Variants in ABCG4 observed in about 807,000 individuals in gnomAD.
The protein encoded by ABCG4 is ATP binding cassette subfamily G member 4.
ABCG4 carries 35 observed loss-of-function variants against 64.6 expected under a neutral mutation model. That is an observed-to-expected ratio of 0.54 (90% confidence interval 0.41 to 0.72). ABCG4 has a LOEUF of 0.72. Ranked by LOEUF, ABCG4 falls within the 30% of genes least tolerant of loss-of-function variation. The probability of loss-of-function intolerance (pLI) is 0.00; values close to 1 mark genes in which losing one functional copy is unlikely to be tolerated. For synonymous variants in ABCG4, 326 were observed against 348.2 expected, an observed-to-expected ratio of 0.94 and a Z score of 0.71; for missense variants, 610 against 846.3, an observed-to-expected ratio of 0.72 and a Z score of 3.46.
In ABCG4 at chr11:119,154,068, G is replaced by A. The variant is rs145297995; in HGVS notation, c.281G>A (p.Arg94His). 54 of 1,614,072 alleles carry A rather than the reference G, an allele frequency of 3.3e-5. No homozygotes were observed. Among genetic ancestry groups the A allele is most frequent in the Middle Eastern group, 1.6e-4 (1 of 6,080 alleles). Residue 94 changes from arginine (R) to histidine (H), a missense_variant, in exon 3 of 15, where the codon CGC (arginine) becomes CAC (histidine). Coordinates refer to ENST00000619701, the MANE Select transcript of ABCG4 (RefSeq NM_022169.5). The surrounding 1 kb of genome is among the most constrained non-coding windows in gnomAD (Gnocchi z 7.0). ...LLKCLSGKFCRRELIGIMGPS... is the reference protein window; with the variant it reads ...LLKCLSGKFCHRELIGIMGPS... ...AAGTGCCTCTCAGGTAAATTCTGCCGCCGGGAGCTGATTGGCATCATGGGC... is the reference window on the plus strand; with the variant it reads ...AAGTGCCTCTCAGGTAAATTCTGCCACCGGGAGCTGATTGGCATCATGGGC...
rs1948156250 is a variant in ABCG4 at position 119,149,236 on chromosome 11, C to T, written c.-140C>T. On this transcript the variant is annotated 5_prime_UTR_variant, in exon 1 of 15. Coordinates refer to ENST00000619701, the MANE Select transcript of ABCG4 (RefSeq NM_022169.5). This position sits in a 1 kb window ranked among gnomAD's most constrained non-coding sequence, Gnocchi z 8.3. ...GCCCCGGCCCCGCCCCGGCCCGGGC[C>T]GCCGGGACCGGGAGCCGGGACGCGG... The T allele has an allele frequency of 6.6e-6, 1 of 150,804 alleles. No homozygotes were observed. The highest frequency in any genetic ancestry group is 6.6e-5 in the Admixed American group (1 of 15,216). The allele number at this position is 150,804 out of a possible 1,614,324, so 9.3% of individuals were successfully genotyped here. A position where few individuals can be genotyped will look rare whatever the true frequency, so the allele number is the denominator to read the frequency against.
chr11:119,149,722 A>G lies in ABCG4; in HGVS notation c.-12-232A>G. ...ATTAGAGAAGCCGCCGGGAGGAAGG[A>G]GCGATTGAGGGCTTCAAGGGGACGG... On this transcript the variant is annotated intron_variant, in intron 1 of 14. Transcript: ENST00000619701. This position sits in a 1 kb window ranked among gnomAD's most constrained non-coding sequence, Gnocchi z 8.3. 1 of 600,188 alleles carries G rather than the reference A, an allele frequency of 1.7e-6. No individual in the cohort carries two copies. Among genetic ancestry groups the G allele is most frequent in the Non-Finnish European group, 2.8e-6 (1 of 352,904 alleles). The allele number at this position is 600,188 out of a possible 1,614,324, so 37.2% of individuals were successfully genotyped here.
In ABCG4 at chr11:119,149,750, T is replaced by TG; in HGVS notation, c.-12-200dup. 1 of 750,004 alleles carries TG rather than the reference T, an allele frequency of 1.3e-6. No homozygotes were observed. The highest frequency in any genetic ancestry group is 2.1e-6 in the Non-Finnish European group (1 of 481,214). 46.5% of individuals were successfully genotyped at this position (750,004 alleles called of 1,614,324 possible). ...GATTGAGGGCTTCAAGGGGACGGGC[T>TG]GGGGTCAGGCTGGAGCTGGGCTGCC... is the stretch of plus-strand genomic sequence containing the variant. On this transcript the variant is annotated intron_variant, in intron 1 of 14. Coordinates refer to ENST00000619701, the MANE Select transcript of ABCG4 (RefSeq NM_022169.5). The surrounding 1 kb of genome is among the most constrained non-coding windows in gnomAD (Gnocchi z 8.3).
rs2135129976 is a variant in ABCG4, at chr11:119,160,162, GTGGAGGTCT to G, written c.1438-61_1438-53del. The G allele has an allele frequency of 6.5e-7, 1 of 1,549,244 alleles. No homozygotes were observed. Among genetic ancestry groups the G allele is most frequent in the Non-Finnish European group, 8.8e-7 (1 of 1,136,726 alleles). ...TTCTAGAGGCCCAGCCTTGGGTGGAGTGGAGGTCTTGGCTGCTGTGCCCCTGGCTTGAAG... is the reference window on the plus strand; with the variant it reads ...TTCTAGAGGCCCAGCCTTGGGTGGAGTGGCTGCTGTGCCCCTGGCTTGAAG... On this transcript the variant is annotated intron_variant, in intron 12 of 14. Transcript: ENST00000619701. The surrounding 1 kb of genome is among the most constrained non-coding windows in gnomAD (Gnocchi z 4.6).
intron 12 of ABCG4, among the ~76,000 whole-genome samples, chr11:119,159,438 T>C (rs1948315949): frequency 6.6e-6 from 1 of 152,244 alleles, no homozygotes; most frequent in African/African-American, 2.4e-5. Context: ...GAAAATGGTG[T>C]ACTCTCTGGC....
At position 119,156,266 on chromosome 11, in the gene ABCG4, G is replaced by GAC. The variant is rs1002039898; in HGVS notation, c.687-60_687-59dup. 8.7e-6 allele frequency: 14 copies of GAC among 1,609,962 alleles called. No homozygotes were observed. The highest frequency in any genetic ancestry group is 4.0e-5 in the African/African-American group (3 of 74,848). On this transcript the variant is annotated intron_variant, in intron 6 of 14. Coordinates refer to ENST00000619701, the MANE Select transcript of ABCG4 (RefSeq NM_022169.5). This position sits in a 1 kb window ranked among gnomAD's most constrained non-coding sequence, Gnocchi z 5.5. ...CCTTCACAGCAGCTGCCCCGCCCCAGACACTCCCTTCTTTTGGCCTCACCC... is the reference window on the plus strand; with the variant it reads ...CCTTCACAGCAGCTGCCCCGCCCCAGACACACTCCCTTCTTTTGGCCTCACCC...
At position 119,158,954 on chromosome 11, in the gene ABCG4, C is replaced by G; in HGVS notation, c.1437+25C>G. The G allele has an allele frequency of 6.3e-7, 1 of 1,597,072 alleles. No homozygotes were observed. The highest frequency in any genetic ancestry group is 8.6e-7 in the Non-Finnish European group (1 of 1,164,864). Reference sequence around the variant, plus strand: ...GGTGGGCCTCTTCCTCCCACCTGCCCACTGCCTCCATCTTGTCTTGCTCCT... The same window carrying G: ...GGTGGGCCTCTTCCTCCCACCTGCCGACTGCCTCCATCTTGTCTTGCTCCT... On this transcript the variant is annotated intron_variant, in intron 12 of 14. Transcript: ENST00000619701. This position sits in a 1 kb window ranked among gnomAD's most constrained non-coding sequence, Gnocchi z 4.5.
rs766001050 is a variant in ABCG4, at chr11:119,158,440, ATGTGCCTGTGGGGTCTC to A, written c.1168-106_1168-90del. 11 of 1,549,398 alleles carry A rather than the reference ATGTGCCTGTGGGGTCTC, an allele frequency of 7.1e-6. No homozygotes were observed. Among genetic ancestry groups the A allele is most frequent in the South Asian group, 1.1e-5 (1 of 89,706 alleles). On this transcript the variant is annotated intron_variant, in intron 10 of 14. Transcript: ENST00000619701. The surrounding 1 kb of genome is among the most constrained non-coding windows in gnomAD (Gnocchi z 4.5). ...GGGGACCCTCCCTCACAGCCCTGCA[ATGTGCCTGTGGGGTCTC>A]TGTGCCTGTGAGGGCAGCTCCGAGT...
rs1348164599 is a variant in ABCG4, at chr11:119,160,640, T to C, written c.1699T>C (p.Tyr567His). The C allele has an allele frequency of 6.2e-7, 1 of 1,611,226 alleles. No homozygotes were observed. Among genetic ancestry groups the C allele is most frequent in the Non-Finnish European group, 8.5e-7 (1 of 1,177,652 alleles). The change falls in exon 14 of 15, where the codon TAT (tyrosine) becomes CAT (histidine). Residue 567 changes from tyrosine (Y) to histidine (H), a missense_variant. Transcript: ENST00000619701. The surrounding 1 kb of genome is among the most constrained non-coding windows in gnomAD (Gnocchi z 4.6). The stretch of plus-strand genomic sequence containing the variant: ...CCCCACTTACCTGCAATGGAGCTCC[T>C]ATCTCTCCTATGTCAGGTCAGTACC... Reference protein sequence around the residue: ...TIPTYLQWSSYLSYVRYGFEG... With the variant: ...TIPTYLQWSSHLSYVRYGFEG...
Position 119,150,590 on chromosome 11 carries a change from AT to A in ABCG4, c.238+388del, listed in dbSNP as rs749367494. 3.9e-5 allele frequency among the ~76,000 whole-genome samples: 6 copies of A among 152,162 alleles called. No homozygotes were observed. Among genetic ancestry groups the A allele is most frequent in the Non-Finnish European group, 7.3e-5 (5 of 68,030 alleles). ...TTGAGCAATACCCTTGGACCTAATT[AT>A]AAAGACGTTCTCATTCCTGTCATCT... On this transcript the variant is annotated intron_variant, in intron 2 of 14. Transcript: ENST00000619701. This position sits in a 1 kb window ranked among gnomAD's most constrained non-coding sequence, Gnocchi z 4.3.
chr11:119,162,326 C>G lies in ABCG4; in HGVS notation c.*1220C>G, dbSNP rs1948365957. The G allele has an allele frequency of 6.5e-6, 1 of 152,802 alleles. No homozygotes were observed. Among genetic ancestry groups the G allele is most frequent in the Non-Finnish European group, 1.5e-5 (1 of 68,162 alleles). 9.5% of individuals were successfully genotyped at this position (152,802 alleles called of 1,614,324 possible). A position where few individuals can be genotyped will look rare whatever the true frequency, so the allele number is the denominator to read the frequency against. ...GCTCCATGCTGGCATCTTCACTCCC[C>G]TACCCCTTCCCCAGCCACTGCTGCT... On this transcript the variant is annotated 3_prime_UTR_variant, in exon 15 of 15. Coordinates refer to ENST00000619701, the MANE Select transcript of ABCG4 (RefSeq NM_022169.5).
In ABCG4 at chr11:119,154,289, T is replaced by C; in HGVS notation, c.386T>C (p.Val129Ala). Reference sequence around the variant, plus strand: ...TCTGGAATGAAGGGGCAGATCCTGGTTAATGGAAGGCCACGGGAGCTGAGG... The same window carrying C: ...TCTGGAATGAAGGGGCAGATCCTGGCTAATGGAAGGCCACGGGAGCTGAGG... ...RESGMKGQIL[V>A]NGRPRELRTF... The change falls in exon 4 of 15, where the codon GTT becomes GCT. Residue 129 changes from valine to alanine, a missense_variant. Transcript: ENST00000619701. This position sits in a 1 kb window ranked among gnomAD's most constrained non-coding sequence, Gnocchi z 7.0. 6.2e-7 allele frequency: 1 copy of C among 1,614,134 alleles called. No homozygotes were observed. The highest frequency in any genetic ancestry group is 8.5e-7 in the Non-Finnish European group (1 of 1,180,006).
At position 119,150,896 on chromosome 11, in the gene ABCG4, C is replaced by T. The variant is rs891709940; in HGVS notation, c.238+693C>T. On this transcript the variant is annotated intron_variant, in intron 2 of 14. Transcript: ENST00000619701. The surrounding 1 kb of genome is among the most constrained non-coding windows in gnomAD (Gnocchi z 4.3). ...CCTGAACCCTGACTAGCCCCTGCAG[C>T]CCCTACCCTGAGCAGCTTTAGCTGC... Among the ~76,000 whole-genome samples, 1 of 152,212 alleles carries T rather than the reference C, an allele frequency of 6.6e-6. No individual in the cohort carries two copies. Among genetic ancestry groups the T allele is most frequent in the Admixed American group, 6.5e-5 (1 of 15,290 alleles).
At position 119,158,807 on chromosome 11, in the gene ABCG4, C is replaced by G. The variant is rs767885535; in HGVS notation, c.1337-22C>G. The G allele has an allele frequency of 8.1e-6, 13 of 1,613,908 alleles. No homozygotes were observed. The highest frequency in any genetic ancestry group is 6.7e-5 in the African/African-American group (5 of 74,904). On this transcript the variant is annotated intron_variant, in intron 11 of 14. Transcript: ENST00000619701. This position sits in a 1 kb window ranked among gnomAD's most constrained non-coding sequence, Gnocchi z 4.5. The stretch of plus-strand genomic sequence containing the variant: ...GGGGCCAGGGTGTCGGCCGGGTGTG[C>G]CTAAGCAGCCTGTGTCCTCAGTCCC...
In ABCG4 at chr11:119,158,697, C is replaced by T. The variant is rs371249807; in HGVS notation, c.1308C>T (p.Phe436=). ...TCTTCTCCATGCTGTTCCTCATGTT[C>T]GCCGCCCTCATGCCAACTGTGCTCA... The part of the protein sequence containing the change: ...CLFFSMLFLM[F]AALMPTVLTF... Residue 436 remains phenylalanine, a synonymous_variant, in exon 11 of 15, where the codon TTC becomes TTT. Coordinates refer to ENST00000619701, the MANE Select transcript of ABCG4 (RefSeq NM_022169.5). This position sits in a 1 kb window ranked among gnomAD's most constrained non-coding sequence, Gnocchi z 4.5. 23 of 1,614,000 alleles carry T rather than the reference C, an allele frequency of 1.4e-5. 1 individual carries two copies. Among genetic ancestry groups the T allele is most frequent in the African/African-American group, 8.0e-5 (6 of 74,926 alleles).
chr11:119,160,322 C>A lies in ABCG4; in HGVS notation c.1533C>A (p.Thr511=). ...TCCTGCTCTTCTCAGCCCTGGCCAC[C>A]GCCACCGCCTTGGTGGCCCAATCTT... ...SRFLLFSALA[T]ATALVAQSLG... is the part of the protein sequence containing the mutation. Residue 511 remains threonine (T), a synonymous_variant, in exon 13 of 15, where the codon ACC becomes ACA. Transcript: ENST00000619701. This position sits in a 1 kb window ranked among gnomAD's most constrained non-coding sequence, Gnocchi z 4.6. 6.2e-7 allele frequency: 1 copy of A among 1,613,680 alleles called. No individual in the cohort carries two copies. Among genetic ancestry groups the A allele is most frequent in the Non-Finnish European group, 8.5e-7 (1 of 1,179,700 alleles).
chr11:119,158,661 C>T lies in ABCG4; in HGVS notation c.1272C>T (p.Thr424=), dbSNP rs374157760. Residue 424 remains threonine (T), a synonymous_variant, in exon 11 of 15, where the codon ACC becomes ACT. Coordinates refer to ENST00000619701, the MANE Select transcript of ABCG4 (RefSeq NM_022169.5). This position sits in a 1 kb window ranked among gnomAD's most constrained non-coding sequence, Gnocchi z 4.5. The stretch of plus-strand genomic sequence containing the variant: ...ATGCCAGCAAGGTCTTCAACAACAC[C>T]GGCTGCCTCTTCTTCTCCATGCTGT... ...GDDASKVFNN[T]GCLFFSMLFL... is the part of the protein sequence containing the mutation. The T allele has an allele frequency of 2.3e-5, 37 of 1,614,032 alleles. No individual in the cohort carries two copies. Among genetic ancestry groups the T allele is most frequent in the Middle Eastern group, 1.6e-4 (1 of 6,084 alleles).
chr11:119,156,047 C>T lies in ABCG4; in HGVS notation c.687-282C>T. 2.5e-6 allele frequency: 1 copy of T among 407,320 alleles called. No homozygotes were observed. The highest frequency in any genetic ancestry group is 4.5e-6 in the Non-Finnish European group (1 of 220,210). 25.2% of individuals were successfully genotyped at this position (407,320 alleles called of 1,614,324 possible). A position where few individuals can be genotyped will look rare whatever the true frequency, so the allele number is the denominator to read the frequency against. Reference sequence around the variant, plus strand: ...TACCCAAAATCATCTGTGTGCTTGTCTCTCTCTCCTTCCAGACCAGAGTCT... The same window carrying T: ...TACCCAAAATCATCTGTGTGCTTGTTTCTCTCTCCTTCCAGACCAGAGTCT... On this transcript the variant is annotated intron_variant, in intron 6 of 14. Coordinates refer to ENST00000619701, the MANE Select transcript of ABCG4 (RefSeq NM_022169.5). The surrounding 1 kb of genome is among the most constrained non-coding windows in gnomAD (Gnocchi z 5.5).
rs1565817815 is a variant in ABCG4, at chr11:119,160,825, C to T, written c.1716-56C>T. On this transcript the variant is annotated intron_variant, in intron 14 of 14. Transcript: ENST00000619701. The surrounding 1 kb of genome is among the most constrained non-coding windows in gnomAD (Gnocchi z 4.6). Reference sequence around the variant, plus strand: ...ATTGCAGCTGGGCTCTGGCAGTTTTCTCAGAGAGCAGGGACCCTGTGTGCT... The same window carrying T: ...ATTGCAGCTGGGCTCTGGCAGTTTTTTCAGAGAGCAGGGACCCTGTGTGCT... 1 of 1,572,342 alleles carries T rather than the reference C, an allele frequency of 6.4e-7. No homozygotes were observed. The highest frequency in any genetic ancestry group is 8.7e-7 in the Non-Finnish European group (1 of 1,148,932).
Sources: allele counts gnomAD v4.1 joint callset (sites outside exome capture counted in the v4.1 genomes callset), GRCh38; gene constraint gnomAD v4.1.1; non-coding constraint Gnocchi (gnomAD v3.1); transcripts MANE v1.5; gene names NCBI Gene and HGNC (gene_info 2026-07-23, HGNC 2026-07-21).